Variants in TCTN2 observed in about 807,000 individuals in gnomAD.
TCTN2 encodes the protein tectonic family member 2.
Under a neutral mutation model 83.4 loss-of-function variants are expected in TCTN2, and 66 were observed. The ratio of observed to expected loss-of-function variants is 0.79; its 90% CI spans 0.65 to 0.97. The LOEUF is 0.97. Among genes scored for constraint, TCTN2 ranks in the 50% least tolerant of loss-of-function variants. The probability of loss-of-function intolerance (pLI) is 0.00; values close to 1 mark genes in which losing one functional copy is unlikely to be tolerated. For synonymous variants in TCTN2, 301 were observed against 326.7 expected, an observed-to-expected ratio of 0.92 and a Z score of 0.85; for missense variants, 794 against 858.1, an observed-to-expected ratio of 0.93 and a Z score of 0.93.
chr12:123,699,074 T>C (rs979242106), intron 13 of TCTN2, among the ~76,000 whole-genome samples: 2 of 152,156 alleles, frequency 1.3e-5, no homozygotes, highest in African/African-American at 4.8e-5. Context: ...GCTAACTTGA[T>C]GTGTGCTCTA....
At chr12:123,706,575 T>C in intron 15 of TCTN2, 151 bp from the exon 16 acceptor site, 3 of 1,118,092 alleles carry the variant, frequency 2.7e-6, no homozygotes, top group Non-Finnish European at 4.0e-6. Context: ...TCAAAGACCA[T>C]GGACAAATAC....
chr12:123,694,805 G>A (rs375487157), intron 9 of TCTN2, 37 bp from the exon 10 acceptor site: 4 of 1,602,458 alleles, frequency 2.5e-6, no homozygotes, highest in Non-Finnish European at 1.7e-6. Flanking sequence ...GGCTCAAAGA[G>A]GGTCTTTAAT....
At position 123,678,426 on chromosome 12, in the gene TCTN2, A is replaced by G. The variant is rs527371115; in HGVS notation, c.464-763A>G. Among the ~76,000 whole-genome samples, 14 of 152,306 alleles carry G rather than the reference A, an allele frequency of 9.2e-5. No homozygotes were observed. In the South Asian group the frequency reaches 2.7e-3, roughly 29 times the overall value. ...CAGTAAAATATATTAAGTTAATTTT[A>G]TCTGTTTCTTTTTTGTAGCCTGGGC... On this transcript the variant is annotated intron_variant, in intron 4 of 17. Coordinates refer to ENST00000303372, the MANE Select transcript of TCTN2 (RefSeq NM_024809.5).
At chr12:123,706,590 A>G (rs548010874) in intron 15 of TCTN2, 136 bp from the exon 16 acceptor site, 310 of 1,327,416 alleles carry the variant, frequency 2.3e-4, no homozygotes, top group Non-Finnish European at 2.5e-4. Flanking sequence ...AAATACTGAG[A>G]AAAAACAGCC....
intron 8 of TCTN2, among the ~76,000 whole-genome samples, chr12:123,691,886 C>A (rs1403125604): frequency 1.4e-5 from 2 of 143,394 alleles, no homozygotes; most frequent in Non-Finnish European, 3.0e-5. Context: ...CATGTGCCAC[C>A]ACACCTGGCT....
chr12:123,676,287 G>C (rs34534928), intron 4 of TCTN2, among the ~76,000 whole-genome samples: 54,209 of 151,564 alleles, frequency 0.36, 10,165 homozygotes, highest in African/African-American at 0.41. Context: ...TCTAAAAAAA[G>C]ACCGGGCGCG....
chr12:123,695,183 A>G, intron 10 of TCTN2, 37 bp from the exon 11 acceptor site: 1 of 1,438,814 alleles, frequency 7.0e-7, no homozygotes, highest in Non-Finnish European at 9.8e-7. Context: ...TCCTAGTGAA[A>G]TGGTGCACAT....
intron 5 of TCTN2, among the ~76,000 whole-genome samples, chr12:123,682,469 T>C (rs1955910530): frequency 6.7e-6 from 1 of 148,760 alleles, no homozygotes; most frequent in Admixed American, 6.7e-5. Context: ...CTTTTTTTTG[T>C]TTGTTTTATT....
At chr12:123,700,640 C>T (rs1956162039) in intron 14 of TCTN2, among the ~76,000 whole-genome samples, 1 of 152,202 alleles carries the variant, frequency 6.6e-6, no homozygotes, top group African/African-American at 2.4e-5. Context: ...ACCATGTTGG[C>T]CAGGCTGGTC....
intron 5 of TCTN2, among the ~76,000 whole-genome samples, chr12:123,679,641 G>A (rs1253451995): frequency 6.6e-6 from 1 of 151,996 alleles, no homozygotes; most frequent in Non-Finnish European, 1.5e-5. Flanking sequence ...TGGGATTACA[G>A]GTGTGAGCCA....
Position 123,694,943 on chromosome 12 carries a change from A to G in TCTN2, c.1201A>G (p.Ile401Val). ...NNTISEINVK[I>V]FRAEINAHQK... is the part of the protein sequence containing the mutation. ...TACCATCAGTGAAATAAATGTTAAA[A>G]TTTTTAGGGCAGAGATTAATGCCCA... Residue 401 changes from isoleucine to valine, a missense_variant, in exon 10 of 18, where the codon ATT becomes GTT. Coordinates refer to ENST00000303372, the MANE Select transcript of TCTN2 (RefSeq NM_024809.5). 6.2e-7 allele frequency: 1 copy of G among 1,613,746 alleles called. No individual in the cohort carries two copies. The highest frequency in any genetic ancestry group is 8.5e-7 in the Non-Finnish European group (1 of 1,179,732).
chr12:123,683,338 T>C (rs886924476), intron 5 of TCTN2, among the ~76,000 whole-genome samples: 2 of 151,958 alleles, frequency 1.3e-5, no homozygotes, highest in African/African-American at 4.8e-5. Context: ...TGGAGAGCAG[T>C]GGTGCCATCT....
intron 9 of TCTN2, among the ~76,000 whole-genome samples, chr12:123,693,922 A>G (rs543791236): frequency 3.2e-4 from 49 of 151,428 alleles, no homozygotes; most frequent in African/African-American, 1.1e-3. Context: ...GGTTCAAGCA[A>G]TTCTCATGCC....
At chr12:123,692,785 AAT>A in intron 9 of TCTN2, 62 bp downstream of exon 9, 1 of 1,259,438 alleles carries the variant, frequency 7.9e-7, no homozygotes, top group Non-Finnish European at 1.2e-6. Flanking sequence ...TCTTACAAGT[AAT>A]ATATACCCTC....
intron 15 of TCTN2, among the ~76,000 whole-genome samples, chr12:123,705,404 G>T (rs1593869748): frequency 1.3e-5 from 2 of 152,042 alleles, no homozygotes; most frequent in African/African-American, 4.8e-5. Context: ...CTCATGATCC[G>T]CCCGCCTCGG....
chr12:123,686,849 A>G lies in TCTN2; in HGVS notation c.578A>G (p.Asn193Ser). The G allele has an allele frequency of 1.2e-6, 2 of 1,614,158 alleles. No homozygotes were observed. Among genetic ancestry groups the G allele is most frequent in the Non-Finnish European group, 1.7e-6 (2 of 1,180,030 alleles). Residue 193 changes from asparagine to serine, a missense_variant, in exon 6 of 18, where the codon AAT (asparagine) becomes AGT (serine). Coordinates refer to ENST00000303372, the MANE Select transcript of TCTN2 (RefSeq NM_024809.5). ...RCCCDQECSS[N>S]LTTLFRRSCF... ...TTTGTCTTCCAGGAATGCTCATCAA[A>G]TTTAACAACGCTGTTCAGACGGTCC... is the stretch of plus-strand genomic sequence containing the variant.
At chr12:123,673,467 A>C (rs764488458) in intron 3 of TCTN2, 148 bp from the exon 4 acceptor site, 8 of 768,414 alleles carry the variant, frequency 1.0e-5, no homozygotes, top group East Asian at 2.7e-5. Context: ...ATGGGGGGGA[A>C]CTGAAGATAA....
At chr12:123,695,585 CTTTTTTTT>C (rs34123979) in intron 11 of TCTN2, 1 of 171,318 alleles carries the variant, frequency 5.8e-6, no homozygotes, top group Non-Finnish European at 1.2e-5. Context: ...CCATGCCTGG[CTTTTTTTT>C]TTTTTTTTTA....
intron 6 of TCTN2, 104 bp from the exon 7 acceptor site, chr12:123,687,947 G>T: frequency 2.7e-6 from 4 of 1,481,560 alleles, no homozygotes; most frequent in Non-Finnish European, 2.8e-6. Context: ...CTGGGTGACA[G>T]AGTGAGACTC....
Sources: allele counts gnomAD v4.1 joint callset (sites outside exome capture counted in the v4.1 genomes callset), GRCh38; gene constraint gnomAD v4.1.1; transcripts MANE v1.5; gene names NCBI Gene and HGNC (gene_info 2026-07-23, HGNC 2026-07-21).